Variants in AK9 observed in about 807,000 individuals in gnomAD.
AK9 encodes adenylate kinase domain containing 1.
A neutral mutation model predicts 239.6 loss-of-function variants in AK9; 191 were observed. The observed-to-expected ratio is 0.80, with a 90% CI of 0.71 to 0.90. AK9 has a LOEUF of 0.90. AK9 is among the 40% of genes least tolerant of loss of function. The probability of loss-of-function intolerance (pLI) is 0.00; values close to 1 mark genes in which losing one functional copy is unlikely to be tolerated. For synonymous variants in AK9, 689 were observed against 721.0 expected, an observed-to-expected ratio of 0.96 and a Z score of 0.71; for missense variants, 1,995 against 2,214.7, an observed-to-expected ratio of 0.90 and a Z score of 1.99.
At chr6:109,564,642 C>A in intron 22 of AK9, 114 bp downstream of exon 22, 1 of 733,600 alleles carries the variant, frequency 1.4e-6, no homozygotes, top group Non-Finnish European at 2.1e-6. Flanking sequence ...AATTAGCATA[C>A]AACATAGAAA....
intron 19 of AK9, among the ~76,000 whole-genome samples, chr6:109,580,841 G>T (rs1363581048): frequency 6.6e-6 from 1 of 152,070 alleles, no homozygotes; most frequent in African/African-American, 2.4e-5. Context: ...TGAACAGGCA[G>T]TTATTCTGCA....
chr6:109,623,921 C>A (rs1795187579), intron 12 of AK9, among the ~76,000 whole-genome samples: 1 of 148,200 alleles, frequency 6.7e-6, no homozygotes, highest in African/African-American at 2.5e-5. Flanking sequence ...TCTCCCACAT[C>A]CCTCCGTAAG....
rs1041807781 is a variant in AK9, at chr6:109,530,750, A to T, written c.3571-1677T>A. Reference sequence around the variant, plus strand: ...TCTGCAAGGCATTACTCCACTCTAGAGGTGAGTTAACAGAAATTCAGAGTT... The same window carrying T: ...TCTGCAAGGCATTACTCCACTCTAGTGGTGAGTTAACAGAAATTCAGAGTT... On this transcript the variant is annotated intron_variant, in intron 28 of 40. Transcript: ENST00000424296. 5.3e-5 allele frequency among the ~76,000 whole-genome samples: 8 copies of T among 152,334 alleles called. No homozygotes were observed. The East Asian group carries it at 1.4e-3, about 26-fold the overall frequency.
At chr6:109,628,939 A>T (rs1250684996) in intron 12 of AK9, among the ~76,000 whole-genome samples, 3 of 152,178 alleles carry the variant, frequency 2.0e-5, no homozygotes, top group African/African-American at 7.2e-5. Context: ...CTTGTATCAG[A>T]GAGAAATGTT....
chr6:109,610,101 C>T (rs574522329), intron 17 of AK9, among the ~76,000 whole-genome samples: 59 of 152,148 alleles, frequency 3.9e-4, no homozygotes, highest in African/African-American at 1.3e-3. Flanking sequence ...GAATCAAAGA[C>T]AATAAAATTT....
intron 29 of AK9, among the ~76,000 whole-genome samples, chr6:109,517,105 C>T (rs115782630): frequency 0.021 from 3,150 of 152,164 alleles, 98 homozygotes; most frequent in African/African-American, 0.073. Flanking sequence ...GGTTCACTGT[C>T]TCAGTTTTCT....
At chr6:109,612,763 TTAG>T (rs893142742) in intron 15 of AK9, among the ~76,000 whole-genome samples, 2 of 152,036 alleles carry the variant, frequency 1.3e-5, no homozygotes, top group Admixed American at 1.3e-4. Context: ...TCTGTCTGAA[TTAG>T]TAGGAGAAAC....
intron 17 of AK9, among the ~76,000 whole-genome samples, chr6:109,601,300 G>T (rs1791919564): frequency 6.6e-6 from 1 of 152,170 alleles, no homozygotes; most frequent in Admixed American, 6.5e-5. Flanking sequence ...TGGTTTCAAA[G>T]AACATCTTTA....
chr6:109,641,312 T>C (rs1361015470), intron 10 of AK9, among the ~76,000 whole-genome samples: 2 of 149,178 alleles, frequency 1.3e-5, no homozygotes, highest in Non-Finnish European at 3.0e-5. Flanking sequence ...AGACTACAGG[T>C]GCATACCACC....
intron 8 of AK9, among the ~76,000 whole-genome samples, chr6:109,651,970 G>A (rs1318639139): frequency 3.3e-5 from 5 of 152,042 alleles, no homozygotes; most frequent in African/African-American, 7.2e-5. Context: ...AACTCTACCA[G>A]AGGTACAAAG....
At chr6:109,643,434 C>G (rs1297413107) in intron 9 of AK9, among the ~76,000 whole-genome samples, 2 of 152,232 alleles carry the variant, frequency 1.3e-5, no homozygotes, top group Non-Finnish European at 2.9e-5. Flanking sequence ...TCTCTCAGAT[C>G]TGTCCTTTTC....
At chr6:109,510,709 G>A (rs531084215) in intron 32 of AK9, among the ~76,000 whole-genome samples, 1 of 152,302 alleles carries the variant, frequency 6.6e-6, no homozygotes, top group East Asian at 1.9e-4. Flanking sequence ...CTCTTCACTT[G>A]TCTGCCTACC....
At chr6:109,614,549 A>C (rs1793940936) in intron 13 of AK9, 69 bp from the exon 14 acceptor site, 1 of 1,268,558 alleles carries the variant, frequency 7.9e-7, no homozygotes, top group Non-Finnish European at 1.1e-6. Flanking sequence ...GAGTGACCAA[A>C]AGCCCCTGCT....
chr6:109,639,424 A>G (rs1016130830), intron 10 of AK9, among the ~76,000 whole-genome samples: 120 of 152,240 alleles, frequency 7.9e-4, no homozygotes, highest in African/African-American at 2.7e-3. Flanking sequence ...ATTTTTTCAT[A>G]TGTCCGTTGG....
chr6:109,565,503 A>G (rs1786357758), intron 21 of AK9, among the ~76,000 whole-genome samples: 1 of 151,998 alleles, frequency 6.6e-6, no homozygotes, highest in African/African-American at 2.4e-5. Flanking sequence ...TCAAGAAGAT[A>G]CACCAAAAAA....
intron 7 of AK9, among the ~76,000 whole-genome samples, chr6:109,658,132 T>C (rs1014484743): frequency 1.3e-5 from 2 of 152,232 alleles, no homozygotes; most frequent in East Asian, 1.9e-4. Flanking sequence ...AGTAGCTTCA[T>C]AGATAAATCT....
chr6:109,603,806 C>A, intron 17 of AK9, among the ~76,000 whole-genome samples: 1 of 152,192 alleles, frequency 6.6e-6, no homozygotes, highest in East Asian at 1.9e-4. Context: ...TGGCACATTG[C>A]AGTTCGATCT....
intron 18 of AK9, among the ~76,000 whole-genome samples, chr6:109,585,484 C>A (rs1460478918): frequency 6.6e-6 from 1 of 151,748 alleles, no homozygotes; most frequent in East Asian, 1.9e-4. Context: ...TATATTTTTC[C>A]CCTGGCAATT....
At chr6:109,519,875 C>T (rs902259412) in intron 29 of AK9, among the ~76,000 whole-genome samples, 1 of 148,182 alleles carries the variant, frequency 6.7e-6, no homozygotes, top group African/African-American at 2.5e-5. Context: ...AGCATTTGTT[C>T]AGATGTTGGC....
Sources: allele counts gnomAD v4.1 joint callset (sites outside exome capture counted in the v4.1 genomes callset), GRCh38; gene constraint gnomAD v4.1.1; transcripts MANE v1.5; gene names NCBI Gene and HGNC (gene_info 2026-07-23, HGNC 2026-07-21).